The following PLCE1 variants were observed in gnomAD, a reference collection of about 807,000 sequenced individuals.
PLCE1 encodes 1-phosphatidylinositol 4,5-bisphosphate phosphodiesterase epsilon-1.
PLCE1 carries 119 observed loss-of-function variants against 242.8 expected under a neutral mutation model. The ratio of observed to expected loss-of-function variants is 0.49; its 90% CI spans 0.42 to 0.57. The LOEUF (loss-of-function observed/expected upper bound fraction) is 0.57. Ranked by LOEUF, PLCE1 falls within the 20% of genes least tolerant of loss-of-function variation. The pLI is 0.00. For synonymous variants in PLCE1, 945 were observed against 1,017.4 expected, an observed-to-expected ratio of 0.93 and a Z score of 1.35; for missense variants, 2,441 against 2,788.8, an observed-to-expected ratio of 0.88 and a Z score of 2.81.
Position 94,258,940 on chromosome 10 carries a change from CTTCTTA to C in PLCE1, c.3677+24_3677+29del. On this transcript the variant is annotated intron_variant, in intron 12 of 32. Transcript: ENST00000371380. Reference sequence around the variant, plus strand: ...TCATTCAGGTACAGTCTTATGTTTCCTTCTTATTCTTTCTCAGGCCCCCCCATTTCT... The same window carrying C: ...TCATTCAGGTACAGTCTTATGTTTCCTTCTTTCTCAGGCCCCCCCATTTCT... 6.2e-7 allele frequency: 1 copy of C among 1,614,018 alleles called. No homozygotes were observed. Among genetic ancestry groups the C allele is most frequent in the Non-Finnish European group, 8.5e-7 (1 of 1,179,962 alleles).
At chr10:94,041,521 C>A (rs895146334) in intron 2 of PLCE1, among the ~76,000 whole-genome samples, 3 of 152,162 alleles carry the variant, frequency 2.0e-5, no homozygotes, top group Admixed American at 1.3e-4. Flanking sequence ...GCTGTTAGAA[C>A]CCTTGAGAAA....
At chr10:94,248,396 T>G (rs1490477825) in intron 8 of PLCE1, among the ~76,000 whole-genome samples, 1 of 151,904 alleles carries the variant, frequency 6.6e-6, no homozygotes, top group African/African-American at 2.4e-5. Flanking sequence ...AGGTCAGGAG[T>G]TCGAGACCAG....
In PLCE1 at chr10:94,031,472, T is replaced by TAAACA; in HGVS notation, c.426_427insAAACA (p.Pro143LysfsTer16). ...TGTGTTTAGAAACTGGAATTCCTTC[T>TAAACA]CCACTGGAAAGAAAGGTGTTCCCTG... On this transcript the variant is annotated frameshift_variant, in exon 2 of 33. Coordinates refer to ENST00000371380, the MANE Select transcript of PLCE1 (RefSeq NM_016341.4). LOFTEE classifies it high-confidence loss of function. The TAAACA allele has an allele frequency of 6.2e-7, 1 of 1,613,296 alleles. No homozygotes were observed.
At chr10:94,231,157 A>C (rs1222693250) in intron 5 of PLCE1, among the ~76,000 whole-genome samples, 1 of 152,214 alleles carries the variant, frequency 6.6e-6, no homozygotes, top group African/African-American at 2.4e-5. Flanking sequence ...AAGATGAATA[A>C]AAGTTTTAAA....
intron 14 of PLCE1, among the ~76,000 whole-genome samples, chr10:94,264,553 G>A (rs1011298484): frequency 2.3e-4 from 24 of 103,360 alleles, no homozygotes; most frequent in African/African-American, 8.7e-4. Flanking sequence ...ACAGAGTCTT[G>A]CTCTGTCACC....
rs1316929334 is a variant in PLCE1, at chr10:94,256,323, C to CAA, written c.3554+1291_3554+1292dup. Among the ~76,000 whole-genome samples, 126 of 56,138 alleles carry CAA rather than the reference C, an allele frequency of 2.2e-3. 2 individuals are homozygous for CAA. The highest frequency in any genetic ancestry group is 8.3e-3 in the Middle Eastern group (1 of 120). 36.8% of individuals were successfully genotyped at this position (56,138 alleles called of 152,430 possible). On this transcript the variant is annotated intron_variant, in intron 11 of 32. Transcript: ENST00000371380. Reference sequence around the variant, plus strand: ...TAGGCAACAGAGTGAGAGCTTGTCTCAAAAAAAAAAAAAAAAAAGAAAGAA... The same window carrying CAA: ...TAGGCAACAGAGTGAGAGCTTGTCTCAAAAAAAAAAAAAAAAAAAAGAAAGAA...
intron 2 of PLCE1, among the ~76,000 whole-genome samples, chr10:94,039,907 A>G (rs1334997291): frequency 6.6e-6 from 1 of 152,174 alleles, no homozygotes; most frequent in African/African-American, 2.4e-5. Context: ...TATTTTTGAT[A>G]TATATTCTGG....
intron 26 of PLCE1, among the ~76,000 whole-genome samples, 180 bp from the exon 27 acceptor site, chr10:94,308,401 T>C (rs529539794): frequency 6.6e-6 from 1 of 152,240 alleles, no homozygotes; most frequent in Non-Finnish European, 1.5e-5. Flanking sequence ...GACAAATTAA[T>C]TGCCATTGGG....
intron 14 of PLCE1, among the ~76,000 whole-genome samples, chr10:94,265,207 C>T (rs890410060): frequency 1.3e-5 from 2 of 152,090 alleles, no homozygotes; most frequent in African/African-American, 2.4e-5. Flanking sequence ...ATTTGATCAC[C>T]GAAAATGCTA....
intron 4 of PLCE1, among the ~76,000 whole-genome samples, chr10:94,201,680 T>C (rs1218588324): frequency 2.0e-5 from 3 of 152,078 alleles, no homozygotes; most frequent in Non-Finnish European, 4.4e-5. Flanking sequence ...GGGGTTTCAC[T>C]GTGTTAGCCA....
chr10:94,186,021 T>C (rs2048466365), intron 4 of PLCE1, among the ~76,000 whole-genome samples: 1 of 152,258 alleles, frequency 6.6e-6, no homozygotes, highest in Non-Finnish European at 1.5e-5. Context: ...CGATTTGTTT[T>C]AACAGTCTTC....
intron 29 of PLCE1, among the ~76,000 whole-genome samples, chr10:94,318,424 G>GATT (rs1209148715): frequency 6.6e-6 from 1 of 152,208 alleles, no homozygotes; most frequent in Non-Finnish European, 1.5e-5. Flanking sequence ...ACTTGTGTAT[G>GATT]ATTTACAGCG....
intron 22 of PLCE1, among the ~76,000 whole-genome samples, chr10:94,288,347 A>T (rs2052532680): frequency 6.6e-6 from 1 of 152,228 alleles, no homozygotes; most frequent in Non-Finnish European, 1.5e-5. Context: ...TGACAAGATC[A>T]TCAGATAAGA....
At chr10:94,125,881 A>T (rs1010133307) in intron 2 of PLCE1, among the ~76,000 whole-genome samples, 5 of 152,196 alleles carry the variant, frequency 3.3e-5, no homozygotes. Context: ...AGCTCTGGCT[A>T]TTCCAAGGAG....
In PLCE1 at chr10:94,246,017, G is replaced by T. The variant is rs1222377922; in HGVS notation, c.2492G>T (p.Gly831Val). Reference protein sequence around the residue: ...FEQSKEYDSHGSEDSQKAFDH... With the variant: ...FEQSKEYDSHVSEDSQKAFDH... ...CAATCCAAAGAATACGACTCTCATG[G>T]TTCAGAGGACTCACAGAAGGCCTTC... is the stretch of plus-strand genomic sequence containing the variant. Residue 831 changes from glycine to valine, a missense_variant, in exon 8 of 33, where the codon GGT becomes GTT. By Grantham distance (109) the Gly-to-Val change is moderately radical. Coordinates refer to ENST00000371380, the MANE Select transcript of PLCE1 (RefSeq NM_016341.4). The T allele has an allele frequency of 1.2e-6, 2 of 1,614,074 alleles. No homozygotes were observed. Among genetic ancestry groups the T allele is most frequent in the Non-Finnish European group, 8.5e-7 (1 of 1,179,992 alleles).
chr10:94,030,916 T>C lies in PLCE1; in HGVS notation c.-131T>C. On this transcript the variant is annotated 5_prime_UTR_variant, in exon 2 of 33. Transcript: ENST00000371380. ...CTTAATGCTCCTGAATGAAAGGAAT[T>C]ATCCCTTTGTTCTTTGGGAGGACTT... 1 of 871,074 alleles carries C rather than the reference T, an allele frequency of 1.1e-6. No individual in the cohort carries two copies. The highest frequency in any genetic ancestry group is 1.9e-6 in the Non-Finnish European group (1 of 518,720). 54.0% of individuals were successfully genotyped at this position (871,074 alleles called of 1,614,324 possible).
At chr10:94,159,503 T>A (rs1468564702) in intron 3 of PLCE1, among the ~76,000 whole-genome samples, 1 of 152,202 alleles carries the variant, frequency 6.6e-6, no homozygotes, top group Non-Finnish European at 1.5e-5. Context: ...ACTAAAGGAC[T>A]ATTAAATGTG....
chr10:94,179,512 G>GTTTTT (rs1554877545), intron 4 of PLCE1, among the ~76,000 whole-genome samples: 20 of 19,398 alleles, frequency 1.0e-3, no homozygotes, highest in African/African-American at 1.4e-3. Flanking sequence ...TTTTAGTTTA[G>GTTTTT]TTTTTTTTTT....
chr10:94,322,074 C>T lies in PLCE1; in HGVS notation c.6501+15C>T, dbSNP rs1243583318. ...TCATTCAGCAGGTAAAAGCCTCTCC[C>T]TTCCTCACCTGAGTCCTTTCCTCAG... On this transcript the variant is annotated intron_variant, in intron 30 of 32. Coordinates refer to ENST00000371380, the MANE Select transcript of PLCE1 (RefSeq NM_016341.4). The T allele has an allele frequency of 1.2e-6, 2 of 1,612,252 alleles. No individual in the cohort carries two copies. Among genetic ancestry groups the T allele is most frequent in the Admixed American group, 1.7e-5 (1 of 60,004 alleles).
Sources: gnomAD v4.1 joint callset for allele counts (sites outside exome capture counted in the v4.1 genomes callset) on GRCh38, gnomAD v4.1.1 for gene constraint, MANE v1.5 for transcripts, NCBI Gene and HGNC (gene_info 2026-07-23, HGNC 2026-07-21) for gene names.